PTPRA: variants seen among roughly 807,000 people sequenced by gnomAD.
PTPRA encodes the protein receptor-type tyrosine-protein phosphatase alpha.
Under a neutral mutation model 104.8 loss-of-function variants are expected in PTPRA, and 25 were observed. The observed-to-expected ratio is 0.24, with a 90% CI of 0.17 to 0.33. PTPRA has a LOEUF of 0.33. PTPRA is among the 10% of genes least tolerant of loss of function. The pLI is 1.00. For missense variants in PTPRA, 765 were observed against 1,015.3 expected, an observed-to-expected ratio of 0.75 and a Z score of 3.35; for synonymous variants, 323 against 368.9, an observed-to-expected ratio of 0.88 and a Z score of 1.43.
intron 13 of PTPRA, among the ~76,000 whole-genome samples, chr20:3,019,588 G>A (rs993413565): frequency 1.3e-5 from 2 of 150,552 alleles, no homozygotes; most frequent in South Asian, 2.1e-4. Context: ...TCACTTTCCA[G>A]ACTGGGCAGC....
chr20:2,977,790 A>G (rs1376383811), intron 6 of PTPRA, among the ~76,000 whole-genome samples: 2 of 150,876 alleles, frequency 1.3e-5, no homozygotes, highest in Non-Finnish European at 3.0e-5. Flanking sequence ...ATAAATATAT[A>G]TAAAATATGT....
At chr20:2,910,584 TTTTTGTTTTTTTTTTGTTTTTTTTA>T (rs2059674142) in intron 1 of PTPRA, among the ~76,000 whole-genome samples, 1 of 98,890 alleles carries the variant, frequency 1.0e-5, no homozygotes, top group Non-Finnish European at 1.8e-5. Context: ...GCTAGTTTTT[TTTTTGTTTTTTTTTTGTTTTTTTTA>T]ATTTTTTTTT....
At chr20:2,864,879 G>C in the PTPRA span, 2 of 1,532,718 alleles carry the variant, frequency 1.3e-6, no homozygotes, top group Non-Finnish European at 1.8e-6. The surrounding 1 kb of genome is among the most constrained non-coding windows in gnomAD (Gnocchi z 5.2). Flanking sequence ...TGACCCTGGC[G>C]ACCCTGGGCA....
At chr20:3,034,603 TC>T (rs2065708674) in intron 20 of PTPRA, among the ~76,000 whole-genome samples, 1 of 151,826 alleles carries the variant, frequency 6.6e-6, no homozygotes, top group South Asian at 2.1e-4. Context: ...AGGGCACCGA[TC>T]CCTGAGGCAT....
intron 13 of PTPRA, among the ~76,000 whole-genome samples, chr20:3,019,340 G>A (rs1340310361): frequency 6.9e-6 from 1 of 144,342 alleles, no homozygotes; most frequent in Non-Finnish European, 1.5e-5. Context: ...GGGCGGAGGG[G>A]CTCCTCACTT....
At chr20:2,960,630 A>G (rs2061720563) in intron 3 of PTPRA, among the ~76,000 whole-genome samples, 1 of 151,836 alleles carries the variant, frequency 6.6e-6, no homozygotes, top group African/African-American at 2.4e-5. Flanking sequence ...TCGACCTCCC[A>G]GGCTCAAGTG....
At chr20:2,952,192 G>A (rs1047502519) in intron 3 of PTPRA, among the ~76,000 whole-genome samples, 12 of 151,900 alleles carry the variant, frequency 7.9e-5, no homozygotes, top group Non-Finnish European at 1.5e-4. Context: ...CAACAACAAT[G>A]TCTGAGGGTA....
chr20:2,914,843 A>G (rs1266448450), intron 1 of PTPRA, among the ~76,000 whole-genome samples: 1 of 152,190 alleles, frequency 6.6e-6, no homozygotes, highest in Non-Finnish European at 1.5e-5. Context: ...TTTTATGGTC[A>G]TTCATGAACA....
chr20:3,038,017 T>C (rs2065889110), intron 23 of PTPRA, 42 bp from the exon 24 acceptor site: 1 of 1,506,416 alleles, frequency 6.6e-7, no homozygotes. Flanking sequence ...TACTGTGTGT[T>C]CTTCAGTAAC....
At chr20:2,994,927 T>C (rs1232174220) in intron 9 of PTPRA, among the ~76,000 whole-genome samples, 2 of 152,106 alleles carry the variant, frequency 1.3e-5, no homozygotes, top group East Asian at 3.9e-4. Flanking sequence ...GTCAGGAGTT[T>C]GAGACCAGCC....
chr20:3,023,808 C>T (rs2065003495), intron 16 of PTPRA, among the ~76,000 whole-genome samples: 1 of 152,218 alleles, frequency 6.6e-6, no homozygotes, highest in Non-Finnish European at 1.5e-5. Flanking sequence ...TTTCTCTATA[C>T]TTTGTCTCTG....
chr20:3,028,686 G>A (rs2148476911), intron 20 of PTPRA, among the ~76,000 whole-genome samples: 1 of 152,334 alleles, frequency 6.6e-6, no homozygotes, highest in Non-Finnish European at 1.5e-5. Flanking sequence ...TAGCAGGGAT[G>A]AGAATCTAGA....
At chr20:2,892,011 C>A (rs994805001) in intron 1 of PTPRA, among the ~76,000 whole-genome samples, 1 of 151,762 alleles carries the variant, frequency 6.6e-6, no homozygotes, top group African/African-American at 2.4e-5. Flanking sequence ...TCAACTGGGC[C>A]GGGCGCGGTG....
At chr20:2,906,388 A>T (rs2059428803) in intron 1 of PTPRA, among the ~76,000 whole-genome samples, 1 of 152,168 alleles carries the variant, frequency 6.6e-6, no homozygotes, top group Non-Finnish European at 1.5e-5. Context: ...GCTGAAGAAA[A>T]CCTTTCTCCA....
At chr20:2,986,311 A>G (rs1018192419) in intron 6 of PTPRA, among the ~76,000 whole-genome samples, 2 of 152,160 alleles carry the variant, frequency 1.3e-5, no homozygotes, top group Non-Finnish European at 2.9e-5. Flanking sequence ...CTTCCTCTAG[A>G]TGGAACCCAT....
intron 1 of PTPRA, among the ~76,000 whole-genome samples, chr20:2,878,445 A>G (rs2089866709): frequency 6.6e-6 from 1 of 152,262 alleles, no homozygotes; most frequent in Admixed American, 6.5e-5. Flanking sequence ...CCTGGACTCA[A>G]GTGATCCACC....
intron 3 of PTPRA, among the ~76,000 whole-genome samples, chr20:2,952,570 A>T (rs1198720338): frequency 6.6e-6 from 1 of 152,188 alleles, no homozygotes. Context: ...TACACATAAT[A>T]CAAAATTTAA....
intron 3 of PTPRA, 97 bp downstream of exon 3, chr20:2,948,121 C>T: frequency 3.7e-6 from 2 of 539,444 alleles, no homozygotes; most frequent in Non-Finnish European, 6.1e-6. Flanking sequence ...CTGCTTATGG[C>T]ATAATCTGGG....
At chr20:2,925,431 G>A (rs77524460) in intron 2 of PTPRA, among the ~76,000 whole-genome samples, 3,426 of 152,270 alleles carry the variant, frequency 0.022, 136 homozygotes, top group African/African-American at 0.077. Context: ...TCTGTTGTAT[G>A]TTTATACCAC....
Sources: gnomAD v4.1 joint callset for allele counts (sites outside exome capture counted in the v4.1 genomes callset) on GRCh38, gnomAD v4.1.1 for gene constraint, Gnocchi (gnomAD v3.1) non-coding constraint, MANE v1.5 for transcripts, NCBI Gene and HGNC (gene_info 2026-07-23, HGNC 2026-07-21) for gene names.